GDA: variants seen among roughly 807,000 people sequenced by gnomAD.
GDA encodes the protein cytoplasmic PSD-95 interactor.
A neutral mutation model predicts 59.6 loss-of-function variants in GDA; 18 were observed. That is an observed-to-expected ratio of 0.30 (90% CI 0.21 to 0.45). The LOEUF (loss-of-function observed/expected upper bound fraction) is 0.45, where lower values mean the gene tolerates loss of function less well. Among genes scored for constraint, GDA ranks in the 20% least tolerant of loss-of-function variants. The pLI, the probability that GDA is intolerant of heterozygous loss-of-function variation, is 1.00. For missense variants in GDA, 427 were observed against 552.3 expected (o/e 0.77, Z 2.27); for synonymous variants, 201 against 201.1 (o/e 1.00, Z 0.00).
chr9:72,231,327 A>C lies in GDA; in HGVS notation c.988+146A>C, dbSNP rs576391393. ...CACGGTAGCTCACGTCTGTAATCCCAGCACTTTGGGAGGCTGAGGCGGGTG... is the reference window on the plus strand; with the variant it reads ...CACGGTAGCTCACGTCTGTAATCCCCGCACTTTGGGAGGCTGAGGCGGGTG... On this transcript the variant is annotated intron_variant, in intron 10 of 13. Transcript: ENST00000358399. 3 of 563,354 alleles carry C rather than the reference A, an allele frequency of 5.3e-6. No individual in the cohort carries two copies. In the South Asian group the frequency reaches 5.9e-5, roughly 11 times the overall value. 34.9% of individuals were successfully genotyped at this position (563,354 alleles called of 1,614,324 possible). A position where few individuals can be genotyped will look rare whatever the true frequency, so the allele number is the denominator to read the frequency against.
At chr9:72,133,293 A>AT (rs1433210207) in intron 1 of GDA, among the ~76,000 whole-genome samples, 4 of 96,348 alleles carry the variant, frequency 4.2e-5, no homozygotes, top group African/African-American at 6.8e-5. Context: ...TGTCTAAAAA[A>AT]AAAAAAAAAA....
At chr9:72,204,928 A>G (rs756886473) in intron 3 of GDA, among the ~76,000 whole-genome samples, 14 of 152,042 alleles carry the variant, frequency 9.2e-5, no homozygotes, top group Non-Finnish European at 1.9e-4. Flanking sequence ...CCTGGCCAAC[A>G]TGGCAAAACC....
chr9:72,206,501 G>A (rs576373349), intron 3 of GDA, among the ~76,000 whole-genome samples: 1 of 152,158 alleles, frequency 6.6e-6, no homozygotes, highest in East Asian at 1.9e-4. Flanking sequence ...GGCCGGGCAC[G>A]GTGGCTCATG....
chr9:72,178,661 G>T (rs1830818365), intron 1 of GDA, among the ~76,000 whole-genome samples: 1 of 151,990 alleles, frequency 6.6e-6, no homozygotes, highest in South Asian at 2.1e-4. Flanking sequence ...CAGGTGTTCT[G>T]CCCGCCTTGG....
At chr9:72,221,711 T>A (rs1354434408) in intron 6 of GDA, among the ~76,000 whole-genome samples, 3 of 152,132 alleles carry the variant, frequency 2.0e-5, no homozygotes, top group African/African-American at 7.2e-5. Context: ...CCTCCTTCCA[T>A]CCTCTACCTG....
chr9:72,144,708 C>G (rs1340190492), upstream of GDA, among the ~76,000 whole-genome samples: 1 of 152,086 alleles, frequency 6.6e-6, no homozygotes, highest in Non-Finnish European at 1.5e-5. Context: ...CTACACTATA[C>G]AGATAAAGTA....
intron 11 of GDA, among the ~76,000 whole-genome samples, 184 bp from the exon 12 acceptor site, chr9:72,244,964 C>T (rs1337326649): frequency 1.3e-5 from 2 of 152,126 alleles, no homozygotes; most frequent in Admixed American, 6.5e-5. Flanking sequence ...GTGCTTACTC[C>T]ACTTTATGTA....
intron 3 of GDA, among the ~76,000 whole-genome samples, chr9:72,207,766 G>C (rs2131398730): frequency 6.6e-6 from 1 of 152,182 alleles, no homozygotes; most frequent in South Asian, 2.1e-4. Flanking sequence ...AAATTCTTTT[G>C]ACTTTTGGGG....
downstream of GDA, among the ~76,000 whole-genome samples, chr9:72,256,184 G>C (rs1330595399): frequency 2.0e-5 from 3 of 151,946 alleles, no homozygotes; most frequent in African/African-American, 7.3e-5. Flanking sequence ...TTAATTAGTT[G>C]GTTTTTTGAA....
chr9:72,165,802 G>A (rs925200486), intron 1 of GDA, among the ~76,000 whole-genome samples: 64 of 152,024 alleles, frequency 4.2e-4, no homozygotes, highest in African/African-American at 1.4e-3. Context: ...GGAGGCTGAG[G>A]GGGGAGAACT....
chr9:72,234,296 T>A (rs999381918), intron 10 of GDA, among the ~76,000 whole-genome samples: 3 of 151,044 alleles, frequency 2.0e-5, no homozygotes, highest in Admixed American at 1.3e-4. Context: ...ATGAGGGAAT[T>A]TGCTGGGGTG....
chr9:72,223,356 G>C, intron 7 of GDA, 129 bp downstream of exon 7: 2 of 594,612 alleles, frequency 3.4e-6, no homozygotes, highest in Non-Finnish European at 3.0e-6. Flanking sequence ...AGATATCCTA[G>C]AGTCACAGCA....
chr9:72,224,765 T>C (rs1837338257), intron 7 of GDA, among the ~76,000 whole-genome samples: 1 of 152,016 alleles, frequency 6.6e-6, no homozygotes, highest in South Asian at 2.1e-4. Flanking sequence ...GAATAATATA[T>C]TCAGTGCCGA....
rs1239763078 is a variant in GDA, at chr9:72,249,371, A to C, written c.*1029A>C. 44 of 968,408 alleles carry C rather than the reference A, an allele frequency of 4.5e-5. No homozygotes were observed. The highest frequency in any genetic ancestry group is 5.0e-5 in the Non-Finnish European group (41 of 814,612). The allele number at this position is 968,408 out of a possible 1,614,324, so 60.0% of individuals were successfully genotyped here. On this transcript the variant is annotated 3_prime_UTR_variant, in exon 14 of 14. Transcript: ENST00000358399. ...CTGCTAGAACTTTAAAATGAAGGACAAATCCTGTTAAAGAAATATTGTTAA... is the reference window on the plus strand; with the variant it reads ...CTGCTAGAACTTTAAAATGAAGGACCAATCCTGTTAAAGAAATATTGTTAA...
chr9:72,159,776 G>A (rs1828380836), intron 1 of GDA, among the ~76,000 whole-genome samples: 1 of 152,132 alleles, frequency 6.6e-6, no homozygotes, highest in South Asian at 2.1e-4. Context: ...TGGAGATTTG[G>A]AGCTATGGAG....
At chr9:72,139,124 G>A (rs1261053238) in intron 1 of GDA, among the ~76,000 whole-genome samples, 1 of 152,168 alleles carries the variant, frequency 6.6e-6, no homozygotes, top group Admixed American at 6.5e-5. Context: ...AGGTTAGCAA[G>A]TAAAAATTTG....
intron 1 of GDA, among the ~76,000 whole-genome samples, chr9:72,182,251 C>T (rs1831324197): frequency 6.6e-6 from 1 of 152,200 alleles, no homozygotes; most frequent in Non-Finnish European, 1.5e-5. Flanking sequence ...TATTTCCCCT[C>T]CTCTTATTCA....
chr9:72,219,118 TGGTC>T (rs1212094099), intron 5 of GDA, among the ~76,000 whole-genome samples: 4 of 151,984 alleles, frequency 2.6e-5, no homozygotes, highest in African/African-American at 7.2e-5. Flanking sequence ...TATTTGAAAA[TGGTC>T]GGCCGGTCGC....
chr9:72,149,331 G>T, upstream of GDA: 1 of 541,258 alleles, frequency 1.8e-6, no homozygotes, highest in Admixed American at 3.6e-5. Context: ...CCCCACGGGA[G>T]CGCGGAGCCA....
Sources: allele counts gnomAD v4.1 joint callset (sites outside exome capture counted in the v4.1 genomes callset), GRCh38; gene constraint gnomAD v4.1.1; transcripts MANE v1.5; gene names NCBI Gene and HGNC (gene_info 2026-07-23, HGNC 2026-07-21).